The following ZNF45 variants were observed in gnomAD, a reference collection of about 807,000 sequenced individuals.
ZNF45 encodes the protein zinc finger protein 45, also known as BRC1744.
ZNF45 carries 4 observed loss-of-function variants against 12.0 expected under a neutral mutation model. The observed-to-expected ratio is 0.33, with a 90% CI of 0.16 to 0.76. The LOEUF is 0.76. Ranked by LOEUF, ZNF45 falls within the 30% of genes least tolerant of loss-of-function variation. The probability of loss-of-function intolerance (pLI) is 0.60; values close to 1 mark genes in which losing one functional copy is unlikely to be tolerated. For missense variants in ZNF45, 700 were observed against 813.0 expected (o/e 0.86, Z 1.69); for synonymous variants, 272 against 279.6 (o/e 0.97, Z 0.27).
chr19:43,925,591 A>G (rs1257806152), intron 3 of ZNF45, 133 bp from the exon 4 acceptor site: 1 of 152,184 alleles, frequency 6.6e-6, no homozygotes, highest in Non-Finnish European at 1.5e-5. Context: ...GAAAAGGGAA[A>G]CATAAAACCT....
chr19:43,916,115 G>C (rs1016495815), intron 9 of ZNF45, among the ~76,000 whole-genome samples: 6 of 151,532 alleles, frequency 4.0e-5, no homozygotes, highest in African/African-American at 1.5e-4. Flanking sequence ...CCGGCACCTG[G>C]CCTTCTTTTT....
At chr19:43,921,479 CTAA>C (rs1441024562) in intron 7 of ZNF45, among the ~76,000 whole-genome samples, 1 of 152,116 alleles carries the variant, frequency 6.6e-6, no homozygotes, top group Non-Finnish European at 1.5e-5. Context: ...GTGGAAATAT[CTAA>C]TAATATTTTC....
intron 9 of ZNF45, among the ~76,000 whole-genome samples, chr19:43,916,325 A>G (rs987923044): frequency 6.6e-6 from 1 of 151,884 alleles, no homozygotes; most frequent in Admixed American, 6.6e-5. Flanking sequence ...CATCTTGCCT[A>G]GGCTGGTCTC....
chr19:43,923,977 TAAAA>T (rs202194694), intron 6 of ZNF45, among the ~76,000 whole-genome samples: 1 of 100,326 alleles, frequency 1.0e-5, no homozygotes, highest in Admixed American at 9.5e-5. Flanking sequence ...AAAAAAAATC[TAAAA>T]AAAAAAAAAA....
intron 7 of ZNF45, among the ~76,000 whole-genome samples, chr19:43,920,714 C>T (rs1973089106): frequency 6.8e-6 from 1 of 147,898 alleles, no homozygotes; most frequent in African/African-American, 2.5e-5. Context: ...GATTCTTGTG[C>T]CTCAGCCTCC....
intron 6 of ZNF45, among the ~76,000 whole-genome samples, chr19:43,923,797 A>G (rs975601403): frequency 6.6e-6 from 1 of 152,018 alleles, no homozygotes; most frequent in African/African-American, 2.4e-5. Flanking sequence ...ATCTCTATGA[A>G]TTTGACTATA....
intron 7 of ZNF45, among the ~76,000 whole-genome samples, chr19:43,921,268 C>T (rs1973150874): frequency 6.6e-6 from 1 of 152,202 alleles, no homozygotes; most frequent in Non-Finnish European, 1.5e-5. Context: ...AGACCAAGGA[C>T]TGCCTCATAA....
chr19:43,925,121 C>T (rs1163317386), intron 4 of ZNF45: 1 of 152,194 alleles, frequency 6.6e-6, no homozygotes, highest in African/African-American at 2.4e-5. Flanking sequence ...AGTAACCTAG[C>T]TCTTTCTCTC....
At chr19:43,922,832 T>TTG (rs1555747361) in intron 6 of ZNF45, among the ~76,000 whole-genome samples, 2 of 142,626 alleles carry the variant, frequency 1.4e-5, no homozygotes, top group Non-Finnish European at 1.5e-5. Flanking sequence ...TTTTTTTTTT[T>TTG]TTTTTTTTTT....
intron 4 of ZNF45, 176 bp downstream of exon 4, chr19:43,925,149 C>T (rs1973570127): frequency 6.6e-6 from 1 of 152,190 alleles, no homozygotes; most frequent in Non-Finnish European, 1.5e-5. Flanking sequence ...CAGGAAGATA[C>T]AAGACAACAG....
rs991312168 is a variant in ZNF45, at chr19:43,919,701, TACA to T, written c.16-5_16-3del. On this transcript the variant is annotated splice_polypyrimidine_tract_variant and splice_region_variant and intron_variant, in intron 7 of 9. Transcript: ENST00000269973. Reference sequence around the variant, plus strand: ...CACGTCCTTGAATGTCACTGCCTCCTACAACATCAAACACACTCCACCTAAATC... The same window carrying T: ...CACGTCCTTGAATGTCACTGCCTCCTACATCAAACACACTCCACCTAAATC... 5.0e-6 allele frequency: 8 copies of T among 1,610,748 alleles called. No individual in the cohort carries two copies. The highest frequency in any genetic ancestry group is 1.3e-5 in the African/African-American group (1 of 74,870).
At position 43,924,919 on chromosome 19, in the gene ZNF45, C is replaced by A. The variant is rs535394335; in HGVS notation, c.-265-358G>T. On this transcript the variant is annotated intron_variant, in intron 4 of 9. Transcript: ENST00000269973. Reference sequence around the variant, plus strand: ...ACAATCAATAGAAGTTACACATAAACCCATGCAGATGCTTTACATGAAACA... The same window carrying A: ...ACAATCAATAGAAGTTACACATAAAACCATGCAGATGCTTTACATGAAACA... 2.2e-3 allele frequency among the ~76,000 whole-genome samples: 336 copies of A among 152,296 alleles called. 1 individual carries two copies. The highest frequency in any genetic ancestry group is 6.8e-3 in the Middle Eastern group (2 of 294).
intron 6 of ZNF45, among the ~76,000 whole-genome samples, chr19:43,922,820 GTTTTTTTTTTTTT>G (rs368057244): frequency 1.2e-5 from 1 of 86,506 alleles, no homozygotes; most frequent in Non-Finnish European, 2.1e-5. Flanking sequence ...TAAATTCTTT[GTTTTTTTTTTTTT>G]TTTTTTTTTT....
Position 43,915,062 on chromosome 19 carries a change from A to C in ZNF45, c.374T>G (p.Ile125Ser), listed in dbSNP as rs1308068127. 6.2e-7 allele frequency: 1 copy of C among 1,612,030 alleles called. No homozygotes were observed. Residue 125 changes from isoleucine to serine, a missense_variant, in exon 10 of 10, where the codon ATT becomes AGT. Physicochemically the swap from Ile to Ser is moderately radical, Grantham distance 142. Transcript: ENST00000269973. Reference protein sequence around the residue: ...LIKYQDSVVNIQRTGCQLEKR... With the variant: ...LIKYQDSVVNSQRTGCQLEKR... ...TTCCAACTGGCAGCCTGTTCTTTGA[A>C]TATTTACCACAGAATCTTGATACTT...
At chr19:43,922,828 T>G (rs930180259) in intron 6 of ZNF45, among the ~76,000 whole-genome samples, 4 of 140,770 alleles carry the variant, frequency 2.8e-5, no homozygotes, top group African/African-American at 7.9e-5. Context: ...TTGTTTTTTT[T>G]TTTTTTTTTT....
In ZNF45 at chr19:43,913,389, A is replaced by G. The variant is rs1972357519; in HGVS notation, c.2047T>C (p.Ter683GlnextTer56). ...SSEDSHRKTR[*>Q] ...CATCTGAGATAGTAAAACATATTTT[A>G]TCGAGTTTTCCTGTGTGAATCCTCT... Residue 683 changes from the stop codon to glutamine (Q), a stop_lost, in exon 10 of 10, where the codon TAA becomes CAA. Coordinates refer to ENST00000269973, the MANE Select transcript of ZNF45 (RefSeq NM_003425.4). 2 of 1,530,966 alleles carry G rather than the reference A, an allele frequency of 1.3e-6. No individual in the cohort carries two copies. The highest frequency in any genetic ancestry group is 1.8e-4 in the Middle Eastern group (1 of 5,644). The allele number at this position is 1,530,966 out of a possible 1,614,324, so 94.8% of individuals were successfully genotyped here.
At chr19:43,917,553 T>C (rs1972792124) in intron 9 of ZNF45, among the ~76,000 whole-genome samples, 2 of 152,194 alleles carry the variant, frequency 1.3e-5, no homozygotes, top group Admixed American at 6.5e-5. Flanking sequence ...TGGCGCGCTG[T>C]AGGCTCACTG....
At chr19:43,933,685 A>G (rs1410038586) in intron 2 of ZNF45, among the ~76,000 whole-genome samples, 3 of 152,234 alleles carry the variant, frequency 2.0e-5, no homozygotes, top group Admixed American at 2.0e-4. Context: ...CACTATGAAT[A>G]GTGTGATAAC....
intron 3 of ZNF45, among the ~76,000 whole-genome samples, chr19:43,928,326 G>A (rs1269867368): frequency 6.6e-6 from 1 of 152,076 alleles, no homozygotes; most frequent in Non-Finnish European, 1.5e-5. Context: ...GAGAATACAT[G>A]GACACACAGA....
Sources: allele counts gnomAD v4.1 joint callset (sites outside exome capture counted in the v4.1 genomes callset), GRCh38; gene constraint gnomAD v4.1.1; transcripts MANE v1.5; gene names NCBI Gene and HGNC (gene_info 2026-07-23, HGNC 2026-07-21).